Variants in PDE10A observed in about 807,000 individuals in gnomAD.
PDE10A encodes cAMP and cAMP-inhibited cGMP 3',5'-cyclic phosphodiesterase 10A.
A neutral mutation model predicts 97.7 loss-of-function variants in PDE10A; 39 were observed. The observed-to-expected ratio is 0.40, with a 90% CI of 0.31 to 0.52. The LOEUF (loss-of-function observed/expected upper bound fraction) is 0.52. Ranked by LOEUF, PDE10A falls within the 20% of genes least tolerant of loss-of-function variation. The pLI, the probability that PDE10A is intolerant of heterozygous loss-of-function variation, is 0.56. For synonymous variants in PDE10A, 371 were observed against 376.8 expected, an observed-to-expected ratio of 0.98 and a Z score of 0.18; for missense variants, 731 against 1,047.8, an observed-to-expected ratio of 0.70 and a Z score of 4.17.
Position 165,332,935 on chromosome 6 carries a change from T to TTC in PDE10A, c.*89_*90insGA. The TTC allele has an allele frequency of 1.7e-6, 1 of 593,424 alleles. No individual in the cohort carries two copies. Among genetic ancestry groups the TTC allele is most frequent in the Non-Finnish European group, 3.2e-6 (1 of 314,680 alleles). The allele number at this position is 593,424 out of a possible 1,614,324, so 36.8% of individuals were successfully genotyped here. A position where few individuals can be genotyped will look rare whatever the true frequency, so the allele number is the denominator to read the frequency against. On this transcript the variant is annotated 3_prime_UTR_variant, in exon 22 of 22. Coordinates refer to ENST00000539869, the MANE Select transcript of PDE10A (RefSeq NM_001385079.1). ...TGCACCCCAGTTACCAGGTGCAGGT[T>TTC]CCCCCCACCCCCCCCAAAAAAAGGA...
chr6:165,450,118 T>C, intron 4 of PDE10A, 124 bp downstream of exon 4: 1 of 652,732 alleles, frequency 1.5e-6, no homozygotes, highest in Non-Finnish European at 2.6e-6. Flanking sequence ...TCACTTGAAA[T>C]TTAGTCCAGA....
intron 10 of PDE10A, among the ~76,000 whole-genome samples, chr6:165,428,140 C>G (rs1315147004): frequency 6.6e-6 from 1 of 152,136 alleles, no homozygotes. Context: ...CCTGGGCATG[C>G]ATGGCATCCA....
At position 165,327,830 on chromosome 6, in the gene PDE10A, A is replaced by C. The variant is rs541658844; in HGVS notation, c.*5195T>G. The C allele has an allele frequency of 6.6e-6, 1 of 152,304 alleles. No individual in the cohort carries two copies. The highest frequency in any genetic ancestry group is 1.9e-4 in the East Asian group (1 of 5,186). The allele number at this position is 152,304 out of a possible 1,614,324, so 9.4% of individuals were successfully genotyped here. On this transcript the variant is annotated 3_prime_UTR_variant, in exon 22 of 22. Coordinates refer to ENST00000539869, the MANE Select transcript of PDE10A (RefSeq NM_001385079.1). ...TAAAATTCTGGACACAGGTTCATTG[A>C]CTCTACAAATCAGTTCTTCATGAGC...
intron 1 of PDE10A, among the ~76,000 whole-genome samples, chr6:165,815,399 C>A (rs555697674): frequency 7.2e-5 from 11 of 152,224 alleles, no homozygotes; most frequent in Admixed American, 2.0e-4. Flanking sequence ...CTGATTAACC[C>A]ATCATTTGAC....
intron 13 of PDE10A, among the ~76,000 whole-genome samples, chr6:165,411,179 G>T (rs1787794524): frequency 6.7e-6 from 1 of 150,336 alleles, no homozygotes. Flanking sequence ...CAACACTAAG[G>T]AATAGTTCCA....
At chr6:165,729,551 A>AC (rs1374354581) in intron 1 of PDE10A, among the ~76,000 whole-genome samples, 1 of 152,050 alleles carries the variant, frequency 6.6e-6, no homozygotes, top group Non-Finnish European at 1.5e-5. Flanking sequence ...TGGATGGGTG[A>AC]CCCCGGGCCC....
intron 5 of PDE10A, among the ~76,000 whole-genome samples, chr6:165,444,139 GACC>G (rs1790673261): frequency 6.6e-6 from 1 of 152,160 alleles, no homozygotes; most frequent in Non-Finnish European, 1.5e-5. Flanking sequence ...CTCCATCTGA[GACC>G]ACATCAGCCT....
chr6:165,674,787 A>T (rs1027127130), intron 1 of PDE10A, among the ~76,000 whole-genome samples: 4 of 152,216 alleles, frequency 2.6e-5, no homozygotes, highest in Non-Finnish European at 5.9e-5. Context: ...TGAAAGTTGT[A>T]ACACTCACTT....
At chr6:165,640,083 A>C (rs78654794) in intron 1 of PDE10A, among the ~76,000 whole-genome samples, 1,719 of 151,996 alleles carry the variant, frequency 0.011, 45 homozygotes, top group African/African-American at 0.04. Context: ...AAAAAAAAAA[A>C]AAAATCTATA....
intron 1 of PDE10A, among the ~76,000 whole-genome samples, chr6:165,652,700 C>T (rs1789743982): frequency 6.6e-6 from 1 of 152,154 alleles, no homozygotes; most frequent in Non-Finnish European, 1.5e-5. Context: ...GTAAACTGCT[C>T]TTTATGCAAA....
chr6:165,659,348 A>G (rs1790120163), intron 1 of PDE10A, among the ~76,000 whole-genome samples: 1 of 152,208 alleles, frequency 6.6e-6, no homozygotes, highest in Non-Finnish European at 1.5e-5. Flanking sequence ...TAAAATTTTT[A>G]AAGAATCTAG....
intron 1 of PDE10A, among the ~76,000 whole-genome samples, chr6:165,787,102 G>A (rs923789021): frequency 2.6e-5 from 4 of 151,740 alleles, no homozygotes; most frequent in African/African-American, 4.8e-5. Context: ...AATTACAAAC[G>A]TGAATAAAAT....
intron 13 of PDE10A, among the ~76,000 whole-genome samples, chr6:165,401,077 A>G (rs1786622681): frequency 6.6e-6 from 1 of 152,292 alleles, no homozygotes; most frequent in South Asian, 2.1e-4. Context: ...TACTAAGGCT[A>G]TATTTATTAT....
At chr6:165,952,367 T>G (rs1783991608) in intron 1 of PDE10A, among the ~76,000 whole-genome samples, 2 of 152,220 alleles carry the variant, frequency 1.3e-5, no homozygotes, top group African/African-American at 4.8e-5. Flanking sequence ...TTGGTTAGCT[T>G]TTGCCAAAAT....
chr6:165,470,854 T>C (rs1436991278), intron 3 of PDE10A, among the ~76,000 whole-genome samples: 2 of 152,254 alleles, frequency 1.3e-5, no homozygotes, highest in African/African-American at 4.8e-5. Flanking sequence ...CTCTACTGAA[T>C]CACTTCCACA....
chr6:165,824,933 C>T (rs368249248), intron 1 of PDE10A, among the ~76,000 whole-genome samples: 305 of 133,346 alleles, frequency 2.3e-3, no homozygotes, highest in African/African-American at 7.4e-3. Flanking sequence ...GAGTTTGAGA[C>T]GAGCCTGGCC....
intron 1 of PDE10A, among the ~76,000 whole-genome samples, chr6:165,644,735 G>T (rs994461142): frequency 6.6e-6 from 1 of 152,196 alleles, no homozygotes; most frequent in Non-Finnish European, 1.5e-5. Context: ...TCTTAGAACA[G>T]GGGTAGCCTT....
chr6:165,747,170 T>A (rs1792862264), intron 1 of PDE10A, among the ~76,000 whole-genome samples: 1 of 152,236 alleles, frequency 6.6e-6, no homozygotes, highest in African/African-American at 2.4e-5. Flanking sequence ...TTTTACATAT[T>A]TCCTTATCAT....
At chr6:165,709,137 CG>C in intron 1 of PDE10A, among the ~76,000 whole-genome samples, 1 of 137,686 alleles carries the variant, frequency 7.3e-6, no homozygotes, top group Non-Finnish European at 1.6e-5. Flanking sequence ...CATGCTCCCA[CG>C]CTCTGTCCCC....
Sources: allele counts gnomAD v4.1 joint callset (sites outside exome capture counted in the v4.1 genomes callset), GRCh38; gene constraint gnomAD v4.1.1; transcripts MANE v1.5; gene names NCBI Gene and HGNC (gene_info 2026-07-23, HGNC 2026-07-21).